Variants in UBE2D1 observed in about 807,000 individuals in gnomAD.
UBE2D1 encodes ubiquitin-conjugating enzyme E2 D1.
A neutral mutation model predicts 24.6 loss-of-function variants in UBE2D1; 9 were observed. The observed-to-expected ratio is 0.37, with a 90% CI of 0.22 to 0.64. The LOEUF (loss-of-function observed/expected upper bound fraction) is 0.64. UBE2D1 is among the 30% of genes least tolerant of loss of function. The pLI is 0.64. For synonymous variants in UBE2D1, 57 were observed against 57.6 expected, an observed-to-expected ratio of 0.99 and a Z score of 0.04; for missense variants, 87 against 177.1, an observed-to-expected ratio of 0.49 and a Z score of 2.89.
intron 1 of UBE2D1, among the ~76,000 whole-genome samples, chr10:58,360,543 TGA>T (rs1241552697): frequency 1.3e-5 from 2 of 152,156 alleles, no homozygotes; most frequent in Non-Finnish European, 2.9e-5. Context: ...TTTGCTGCCT[TGA>T]GGGCAGGAAA....
chr10:58,350,894 T>C (rs75176542), intron 1 of UBE2D1, among the ~76,000 whole-genome samples: 312 of 152,310 alleles, frequency 2.0e-3, no homozygotes, highest in African/African-American at 7.3e-3. Context: ...TAGTGTAGTC[T>C]GTTGCTCCTA....
At chr10:58,347,419 A>G (rs1039618633) in intron 1 of UBE2D1, among the ~76,000 whole-genome samples, 2 of 152,148 alleles carry the variant, frequency 1.3e-5, no homozygotes, top group African/African-American at 4.8e-5. Flanking sequence ...ATTTTTATTT[A>G]TGTAATTCCT....
chr10:58,361,469 C>T lies in UBE2D1; in HGVS notation c.89-26C>T, dbSNP rs747187927. ...TATAGGTTTGAACATTTGTTAATGA[C>T]TCCAAAACTCCTTTGTTTGTTTCAG... On this transcript the variant is annotated intron_variant, in intron 2 of 6. Transcript: ENST00000373910. 1.4e-5 allele frequency: 22 copies of T among 1,614,134 alleles called. No homozygotes were observed. In the South Asian group the frequency reaches 1.8e-4, roughly 13 times the overall value.
At chr10:58,358,753 T>C (rs1840160272) in intron 1 of UBE2D1, among the ~76,000 whole-genome samples, 1 of 152,048 alleles carries the variant, frequency 6.6e-6, no homozygotes, top group Admixed American at 6.5e-5. Context: ...TGTTTCCTTA[T>C]TGCTTTTTCT....
At chr10:58,368,107 T>C in intron 6 of UBE2D1, 91 bp downstream of exon 6, 1 of 905,628 alleles carries the variant, frequency 1.1e-6, no homozygotes, top group South Asian at 1.6e-5. Flanking sequence ...TAAGTCAATT[T>C]GATTATGGTT....
chr10:58,366,589 T>C (rs1324498718), intron 5 of UBE2D1, among the ~76,000 whole-genome samples: 1 of 152,120 alleles, frequency 6.6e-6, no homozygotes, highest in Non-Finnish European at 1.5e-5. Context: ...TTTAAATTTT[T>C]AATTTGTTTA....
chr10:58,339,478 A>T (rs1339150967), intron 1 of UBE2D1, among the ~76,000 whole-genome samples: 2 of 152,164 alleles, frequency 1.3e-5, no homozygotes, highest in Non-Finnish European at 2.9e-5. Flanking sequence ...TATTTTCCAT[A>T]CATTTCCATA....
chr10:58,369,484 T>A lies in UBE2D1; in HGVS notation c.*719T>A, dbSNP rs900535094. 3.7e-4 allele frequency: 57 copies of A among 152,706 alleles called. No homozygotes were observed. The highest frequency in any genetic ancestry group is 1.3e-3 in the African/African-American group (54 of 41,576). The allele number at this position is 152,706 out of a possible 1,614,324, so 9.5% of individuals were successfully genotyped here. A position where few individuals can be genotyped will look rare whatever the true frequency, so the allele number is the denominator to read the frequency against. On this transcript the variant is annotated 3_prime_UTR_variant, in exon 7 of 7. Transcript: ENST00000373910. ...TGCTAAGTAGGAAGATGTGTAACTT[T>A]TATTTGTTGCTATTCACATTTGAAT...
chr10:58,339,623 A>G lies in UBE2D1; in HGVS notation c.24+4398A>G, dbSNP rs148348004. On this transcript the variant is annotated intron_variant, in intron 1 of 6. Transcript: ENST00000373910. ...AATTCTTAGTATACCCAAGAGGTAG[A>G]AACAGTGTTATTTCCATTTTACAGA... Among the ~76,000 whole-genome samples, 825 of 152,300 alleles carry G rather than the reference A, an allele frequency of 5.4e-3. 9 individuals carry two copies. The highest frequency in any genetic ancestry group is 0.019 in the African/African-American group (779 of 41,552).
chr10:58,340,562 G>C (rs1317467101), intron 1 of UBE2D1, among the ~76,000 whole-genome samples: 1 of 152,128 alleles, frequency 6.6e-6, no homozygotes, highest in Admixed American at 6.5e-5. Context: ...TACTGAACCT[G>C]TGACACTTCA....
chr10:58,345,450 G>T (rs1840005997), intron 1 of UBE2D1, among the ~76,000 whole-genome samples: 2 of 152,138 alleles, frequency 1.3e-5, no homozygotes, highest in Non-Finnish European at 2.9e-5. Context: ...ACTTCAGCTT[G>T]TATGACAGCA....
chr10:58,360,429 A>AG (rs1001241503), intron 1 of UBE2D1, among the ~76,000 whole-genome samples: 4 of 144,904 alleles, frequency 2.8e-5, no homozygotes, highest in African/African-American at 8.5e-5. Context: ...TCTCTGTTAG[A>AG]GGAAAAAAAA....
intron 4 of UBE2D1, 58 bp downstream of exon 4, chr10:58,363,744 A>G (rs1840225324): frequency 1.5e-6 from 2 of 1,307,506 alleles, no homozygotes; most frequent in Non-Finnish European, 2.2e-6. Context: ...TTCTTTATCT[A>G]GAGCTCATTT....
intron 1 of UBE2D1, among the ~76,000 whole-genome samples, chr10:58,347,136 A>G (rs1840026069): frequency 6.6e-6 from 1 of 152,146 alleles, no homozygotes; most frequent in African/African-American, 2.4e-5. Flanking sequence ...TCTGGCTTAT[A>G]TCAGACTCTT....
At chr10:58,358,148 TAAAG>T (rs1319378488) in intron 1 of UBE2D1, among the ~76,000 whole-genome samples, 2 of 152,164 alleles carry the variant, frequency 1.3e-5, no homozygotes, top group African/African-American at 2.4e-5. Flanking sequence ...TTCTTGTTAA[TAAAG>T]AAAATCAGTA....
intron 1 of UBE2D1, among the ~76,000 whole-genome samples, chr10:58,350,159 G>A (rs1218915860): frequency 6.6e-6 from 1 of 152,156 alleles, no homozygotes; most frequent in Admixed American, 6.5e-5. Flanking sequence ...TATATACTTA[G>A]CAGTAGAAAT....
intron 1 of UBE2D1, among the ~76,000 whole-genome samples, chr10:58,351,486 A>T (rs149341887): frequency 8.5e-5 from 13 of 152,196 alleles, no homozygotes; most frequent in African/African-American, 3.1e-4. Flanking sequence ...CAGGGTCAGG[A>T]TACTCAGTAT....
chr10:58,346,037 G>C (rs556292437), intron 1 of UBE2D1, among the ~76,000 whole-genome samples: 2 of 148,226 alleles, frequency 1.3e-5, no homozygotes, highest in Non-Finnish European at 3.0e-5. Flanking sequence ...TTTAGACGGA[G>C]TCTCACTCTG....
At chr10:58,345,996 A>G (rs537554026) in intron 1 of UBE2D1, among the ~76,000 whole-genome samples, 74 of 151,764 alleles carry the variant, frequency 4.9e-4, no homozygotes, top group African/African-American at 1.7e-3. Flanking sequence ...GTTTTTGAGT[A>G]ATAGGAGCTA....
Sources: gnomAD v4.1 joint callset for allele counts (sites outside exome capture counted in the v4.1 genomes callset) on GRCh38, gnomAD v4.1.1 for gene constraint, MANE v1.5 for transcripts, NCBI Gene and HGNC (gene_info 2026-07-23, HGNC 2026-07-21) for gene names.